The following FBXO11 variants were observed in gnomAD, a reference collection of about 807,000 sequenced individuals.
The protein encoded by FBXO11 is F-box protein 11, also known as F-box only protein 11.
FBXO11 carries 13 observed loss-of-function variants against 117.0 expected under a neutral mutation model. That is an observed-to-expected ratio of 0.11 (90% CI 0.07 to 0.18). FBXO11 has a LOEUF of 0.18. FBXO11 is among the 10% of genes least tolerant of loss of function. The pLI, the probability that FBXO11 is intolerant of heterozygous loss-of-function variation, is 1.00. For missense variants in FBXO11, 767 were observed against 1,164.4 expected (o/e 0.66, Z 4.97); for synonymous variants, 490 against 380.5 (o/e 1.29, Z -3.35).
At chr2:47,902,595 G>C (rs974434251) in intron 1 of FBXO11, among the ~76,000 whole-genome samples, 2 of 151,812 alleles carry the variant, frequency 1.3e-5, no homozygotes, top group Non-Finnish European at 2.9e-5. Context: ...ACATACACAC[G>C]TGTGTATGTA....
chr2:47,860,804 T>C (rs1674708225), intron 1 of FBXO11, among the ~76,000 whole-genome samples: 2 of 62,728 alleles, frequency 3.2e-5, no homozygotes, highest in South Asian at 8.1e-4. Flanking sequence ...TGTGTTCCAC[T>C]GGAAAATAGG....
chr2:47,827,586 C>T (rs1009851062), intron 11 of FBXO11, among the ~76,000 whole-genome samples: 1 of 152,078 alleles, frequency 6.6e-6, no homozygotes, highest in African/African-American at 2.4e-5. Flanking sequence ...GGATTATAGG[C>T]ATGAGCCACT....
intron 5 of FBXO11, among the ~76,000 whole-genome samples, 171 bp downstream of exon 5, chr2:47,835,701 T>C (rs1340050996): frequency 6.6e-6 from 1 of 152,194 alleles, no homozygotes; most frequent in Non-Finnish European, 1.5e-5. Flanking sequence ...TTTCGCCATG[T>C]TGGCCAAGCT....
Position 47,834,838 on chromosome 2 carries a change from C to G in FBXO11, c.751G>C (p.Glu251Gln). The change falls in exon 6 of 23, where the codon GAA becomes CAA. Residue 251 changes from glutamate to glutamine, a missense_variant. By Grantham distance (29) the Glu-to-Gln change is conservative. Coordinates refer to ENST00000403359, the MANE Select transcript of FBXO11 (RefSeq NM_001190274.2). The part of the protein sequence containing the change: ...KGAHVKPGFA[E>Q]HFYSNPARYK... ...CTTGCAGGGTTACTGTAGAAATGTT[C>G]AGCAAATCCTGGCTTTACATGTGCA... 6.2e-7 allele frequency: 1 copy of G among 1,613,556 alleles called. No homozygotes were observed. Among genetic ancestry groups the G allele is most frequent in the Non-Finnish European group, 8.5e-7 (1 of 1,179,768 alleles).
chr2:47,884,126 G>A (rs1188954869), intron 1 of FBXO11, among the ~76,000 whole-genome samples: 3 of 152,164 alleles, frequency 2.0e-5, no homozygotes, highest in African/African-American at 4.8e-5. Context: ...GGCTGAGGCA[G>A]CAGAATCACT....
At chr2:47,823,715 T>C (rs1036421327) in intron 11 of FBXO11, among the ~76,000 whole-genome samples, 1 of 151,778 alleles carries the variant, frequency 6.6e-6, no homozygotes, top group Non-Finnish European at 1.5e-5. Context: ...ATTGCGCCAC[T>C]GCACTCCAGC....
chr2:47,898,734 C>T (rs1391584202), intron 1 of FBXO11, among the ~76,000 whole-genome samples: 2 of 152,014 alleles, frequency 1.3e-5, no homozygotes, highest in Non-Finnish European at 2.9e-5. Flanking sequence ...CAGCCATCTC[C>T]AATAGGACAG....
At chr2:47,823,877 C>G (rs912089329) in intron 11 of FBXO11, among the ~76,000 whole-genome samples, 1 of 151,616 alleles carries the variant, frequency 6.6e-6, no homozygotes. Flanking sequence ...GACAAGGTCT[C>G]ACTCTGTTGT....
intron 1 of FBXO11, among the ~76,000 whole-genome samples, chr2:47,873,155 T>G (rs1165889996): frequency 1.3e-5 from 2 of 152,180 alleles, no homozygotes; most frequent in Non-Finnish European, 2.9e-5. Flanking sequence ...TCTTGAAAGG[T>G]GTAAATCTAG....
In FBXO11 at chr2:47,808,078, T is replaced by C. The variant is rs201854981; in HGVS notation, c.*40A>G. 2.5e-4 allele frequency: 381 copies of C among 1,543,334 alleles called. No individual in the cohort carries two copies. Among genetic ancestry groups the C allele is most frequent in the African/African-American group, 1.8e-3 (130 of 72,956 alleles). ...TCTTCCAAAAAAGTGTTTTAAGTTA[T>C]GATGTTACAATGGCAGGACTTTTTC... On this transcript the variant is annotated 3_prime_UTR_variant, in exon 23 of 23. Coordinates refer to ENST00000403359, the MANE Select transcript of FBXO11 (RefSeq NM_001190274.2).
chr2:47,854,849 CTGTTTTTTTTTT>C (rs1674153402), intron 1 of FBXO11, among the ~76,000 whole-genome samples: 1 of 104,538 alleles, frequency 9.6e-6, no homozygotes, highest in African/African-American at 3.4e-5. Flanking sequence ...GATCTTTATT[CTGTTTTTTTTTT>C]TGTTTTTTTT....
chr2:47,905,498 C>T lies in FBXO11; in HGVS notation c.223G>A (p.Gly75Ser). The change falls in exon 1 of 23, where the codon GGC becomes AGC. Residue 75 changes from glycine (G) to serine (S), a missense_variant. Physicochemically the swap from Gly to Ser is moderately conservative, Grantham distance 56 (BLOSUM62 0). This residue lies in a region of FBXO11 where 355 missense variants were observed against 299.8 expected (regional missense o/e 1.18). Coordinates refer to ENST00000403359, the MANE Select transcript of FBXO11 (RefSeq NM_001190274.2). ...PPLPQERNNV[G>S]ERDDDVPADM... ...GGTAGCGCGGCCTTACCCCGCTCGC[C>T]GACGTTGTTCCGCTCCTGAGGCAGC... 8.2e-7 allele frequency: 1 copy of T among 1,226,574 alleles called. No individual in the cohort carries two copies. Among genetic ancestry groups the T allele is most frequent in the Non-Finnish European group, 1.0e-6 (1 of 984,526 alleles). The allele number at this position is 1,226,574 out of a possible 1,614,324, so 76.0% of individuals were successfully genotyped here.
rs1250183383 is a variant in FBXO11 at position 47,811,030 on chromosome 2, G to A, written c.2228-604C>T. On this transcript the variant is annotated intron_variant, in intron 18 of 22. Transcript: ENST00000403359. ...TGTGAGACATGGTTTTATTTCTGTA[G>A]ACATTTAATCCCTCTGGTATTTCAC... 6 of 152,204 alleles carry A rather than the reference G, an allele frequency of 3.9e-5. No homozygotes were observed. The East Asian group carries it at 7.7e-4, about 20-fold the overall frequency. 9.4% of individuals were successfully genotyped at this position (152,204 alleles called of 1,614,324 possible).
At chr2:47,862,083 T>C (rs1361380514) in intron 1 of FBXO11, among the ~76,000 whole-genome samples, 1 of 151,790 alleles carries the variant, frequency 6.6e-6, no homozygotes, top group East Asian at 1.9e-4. Context: ...TGGCTAATTT[T>C]TTTTATTTTT....
Position 47,807,945 on chromosome 2 carries a change from AT to A in FBXO11, c.*172del. ...CCCAGCTTTGAGATCCTGAGTCAAT[AT>A]ATTGCCACTTTCTTTTTGGTAGCTT... On this transcript the variant is annotated 3_prime_UTR_variant, in exon 23 of 23. Transcript: ENST00000403359. 1.6e-6 allele frequency: 1 copy of A among 617,552 alleles called. No homozygotes were observed. 38.3% of individuals were successfully genotyped at this position (617,552 alleles called of 1,614,324 possible). A position where few individuals can be genotyped will look rare whatever the true frequency, so the allele number is the denominator to read the frequency against.
chr2:47,828,622 AAG>A (rs1419685444), intron 11 of FBXO11, among the ~76,000 whole-genome samples: 2 of 151,924 alleles, frequency 1.3e-5, no homozygotes, highest in Non-Finnish European at 1.5e-5. Flanking sequence ...AAAAAAAAAA[AAG>A]ACAAAATAAA....
intron 1 of FBXO11, among the ~76,000 whole-genome samples, chr2:47,840,321 G>A (rs1399905754): frequency 6.6e-6 from 1 of 151,990 alleles, no homozygotes; most frequent in Non-Finnish European, 1.5e-5. Context: ...GGTACTACAT[G>A]GTTAGAGACC....
Position 47,856,640 on chromosome 2 carries a change from G to A in FBXO11, c.233-16871C>T, listed in dbSNP as rs562327909. ...CTACGGACAGTTGTATCAGTTAGTG[G>A]AGAACAAAACATAATTTTAGCACAT... is the stretch of plus-strand genomic sequence containing the variant. On this transcript the variant is annotated intron_variant, in intron 1 of 22. Coordinates refer to ENST00000403359, the MANE Select transcript of FBXO11 (RefSeq NM_001190274.2). Among the ~76,000 whole-genome samples the A allele has an allele frequency of 9.8e-5, 15 of 152,318 alleles. No homozygotes were observed. The South Asian group carries it at 1.4e-3, about 15-fold the overall frequency.
At chr2:47,809,740 C>A in intron 19 of FBXO11, 33 bp from the exon 20 acceptor site, 1 of 1,383,284 alleles carries the variant, frequency 7.2e-7, no homozygotes, top group Non-Finnish European at 1.0e-6. Context: ...GTAGATACAT[C>A]ACTTTATACT....
Sources: allele counts gnomAD v4.1 joint callset (sites outside exome capture counted in the v4.1 genomes callset), GRCh38; gene constraint gnomAD v4.1.1; regional missense constraint gnomAD v4.1.1; transcripts MANE v1.5; gene names NCBI Gene and HGNC (gene_info 2026-07-23, HGNC 2026-07-21).